The following TPST1 variants were observed in gnomAD, a reference collection of about 807,000 sequenced individuals.
TPST1 encodes the protein protein-tyrosine sulfotransferase 1.
In TPST1, 20 loss-of-function variants were observed where a neutral mutation model predicts 34.8. The observed-to-expected ratio is 0.57, with a 90% confidence interval of 0.40 to 0.84. TPST1 has a LOEUF of 0.84. TPST1 is among the 40% of genes least tolerant of loss of function. TPST1 has a pLI of 0.00. For synonymous variants in TPST1, 152 were observed against 159.4 expected, an observed-to-expected ratio of 0.95 and a Z score of 0.35; for missense variants, 353 against 455.5, an observed-to-expected ratio of 0.78 and a Z score of 2.05.
intron 1 of TPST1, among the ~76,000 whole-genome samples, chr7:66,208,218 C>A (rs1360395648): frequency 1.3e-5 from 2 of 152,176 alleles, no homozygotes; most frequent in Non-Finnish European, 2.9e-5. Context: ...CCTTCCTGGG[C>A]CCTTTGTGAT....
intron 3 of TPST1, among the ~76,000 whole-genome samples, chr7:66,319,404 G>C (rs1163883263): frequency 6.6e-6 from 1 of 152,082 alleles, no homozygotes; most frequent in African/African-American, 2.4e-5. Flanking sequence ...TAGCCTGCCT[G>C]CTACTTTAAA....
intron 2 of TPST1, among the ~76,000 whole-genome samples, chr7:66,283,427 G>C (rs977932287): frequency 3.3e-5 from 5 of 152,092 alleles, no homozygotes; most frequent in Non-Finnish European, 7.4e-5. Context: ...GGGTTAGATA[G>C]TAAATATTTT....
intron 2 of TPST1, among the ~76,000 whole-genome samples, chr7:66,243,463 A>C (rs1790078710): frequency 6.6e-6 from 1 of 152,012 alleles, no homozygotes; most frequent in African/African-American, 2.4e-5. Context: ...TTTGTTTTTG[A>C]GATGGAGTCT....
intron 1 of TPST1, among the ~76,000 whole-genome samples, chr7:66,231,315 G>T (rs992027782): frequency 3.0e-4 from 45 of 152,378 alleles, no homozygotes; most frequent in African/African-American, 1.0e-3. Flanking sequence ...ATCCCGCACC[G>T]GGGCTGCATG....
chr7:66,208,288 A>G (rs1388341631), intron 1 of TPST1, among the ~76,000 whole-genome samples: 1 of 152,194 alleles, frequency 6.6e-6, no homozygotes, highest in Non-Finnish European at 1.5e-5. Flanking sequence ...AGACTGTGAC[A>G]GAGATGACTA....
At chr7:66,250,343 G>A (rs906186722) in intron 2 of TPST1, among the ~76,000 whole-genome samples, 2 of 152,192 alleles carry the variant, frequency 1.3e-5, no homozygotes, top group African/African-American at 2.4e-5. Context: ...TCAGGTCTTT[G>A]TCTTCATCTA....
chr7:66,329,615 G>A (rs1425313062), intron 3 of TPST1, among the ~76,000 whole-genome samples: 1 of 152,166 alleles, frequency 6.6e-6, no homozygotes, highest in African/African-American at 2.4e-5. Context: ...TCATCCCTAT[G>A]TTCCTCTTTA....
chr7:66,356,732 C>A, intron 4 of TPST1, 93 bp from the exon 5 acceptor site: 2 of 1,454,018 alleles, frequency 1.4e-6, no homozygotes, highest in Admixed American at 1.7e-5. Flanking sequence ...TGAACAGAGC[C>A]TGCGGGCCAC....
intron 3 of TPST1, among the ~76,000 whole-genome samples, chr7:66,339,833 TAAAAAAAAA>T (rs71526540): frequency 1.1e-4 from 12 of 112,490 alleles, no homozygotes; most frequent in Non-Finnish European, 1.8e-4. Context: ...CCCCTCAACC[TAAAAAAAAA>T]AAAAAAAAAA....
chr7:66,338,406 A>G (rs946687330), intron 3 of TPST1, among the ~76,000 whole-genome samples: 2 of 152,170 alleles, frequency 1.3e-5, no homozygotes, highest in Non-Finnish European at 2.9e-5. Flanking sequence ...CACACTTTCA[A>G]TGTGAACAGA....
intron 1 of TPST1, among the ~76,000 whole-genome samples, chr7:66,232,652 C>T (rs572743497): frequency 8.5e-5 from 13 of 152,266 alleles, no homozygotes; most frequent in East Asian, 3.9e-4. Context: ...CCACCGCGCC[C>T]GGCCCATGCC....
At chr7:66,199,773 G>A in the TPST1 span, among the ~76,000 whole-genome samples, 1 of 151,768 alleles carries the variant, frequency 6.6e-6, no homozygotes, top group Non-Finnish European at 1.5e-5. Flanking sequence ...GAGTGCAGGG[G>A]CACTATCTCG....
chr7:66,320,928 A>G (rs1348592465), intron 3 of TPST1, among the ~76,000 whole-genome samples: 1 of 152,188 alleles, frequency 6.6e-6, no homozygotes, highest in African/African-American at 2.4e-5. Flanking sequence ...ATATTATGCT[A>G]TAATTACATA....
chr7:66,250,888 T>C (rs989343404), intron 2 of TPST1, among the ~76,000 whole-genome samples: 3 of 152,192 alleles, frequency 2.0e-5, no homozygotes, highest in African/African-American at 7.2e-5. Flanking sequence ...AAGTGACTAA[T>C]GGTGGGTAGT....
At chr7:66,310,387 G>C (rs981977328) in intron 3 of TPST1, among the ~76,000 whole-genome samples, 2 of 152,224 alleles carry the variant, frequency 1.3e-5, no homozygotes, top group African/African-American at 4.8e-5. Context: ...GATTAGGGCA[G>C]AGGCTTCCCT....
chr7:66,225,206 C>T (rs916141038), intron 1 of TPST1, among the ~76,000 whole-genome samples: 6 of 151,716 alleles, frequency 4.0e-5, no homozygotes, highest in Admixed American at 1.3e-4. Context: ...CATGAACCAC[C>T]GCACCCGGCC....
intron 2 of TPST1, among the ~76,000 whole-genome samples, chr7:66,272,587 CTTT>C (rs555211164): frequency 7.4e-6 from 1 of 135,884 alleles, no homozygotes. Flanking sequence ...CACCCCAATT[CTTT>C]TTTTTTTTTT....
chr7:66,206,424 T>C (rs536515419), intron 1 of TPST1, among the ~76,000 whole-genome samples: 2 of 152,166 alleles, frequency 1.3e-5, no homozygotes, highest in East Asian at 1.9e-4. Context: ...CAGATGATGG[T>C]AGCAAGAAGT....
intron 2 of TPST1, among the ~76,000 whole-genome samples, chr7:66,252,726 A>G (rs1790293541): frequency 6.6e-6 from 1 of 152,158 alleles, no homozygotes; most frequent in Admixed American, 6.5e-5. Flanking sequence ...CTTTTGATGA[A>G]TTTAAGTTTT....
Sources: gnomAD v4.1 joint callset for allele counts (sites outside exome capture counted in the v4.1 genomes callset) on GRCh38, gnomAD v4.1.1 for gene constraint, MANE v1.5 for transcripts, NCBI Gene and HGNC (gene_info 2026-07-23, HGNC 2026-07-21) for gene names.